The following CNTN3 variants were observed in gnomAD, a reference collection of about 807,000 sequenced individuals.
The protein encoded by CNTN3 is contactin-3.
In CNTN3, 60 loss-of-function variants were observed where a neutral mutation model predicts 119.1. The ratio of observed to expected loss-of-function variants is 0.50; its 90% CI spans 0.41 to 0.62. CNTN3 has a LOEUF of 0.62. CNTN3 is among the 20% of genes least tolerant of loss of function. The pLI is 0.00. For missense variants in CNTN3, 1,101 were observed against 1,242.4 expected, an observed-to-expected ratio of 0.89 and a Z score of 1.71; for synonymous variants, 450 against 438.7, an observed-to-expected ratio of 1.03 and a Z score of -0.32.
intron 5 of CNTN3, among the ~76,000 whole-genome samples, chr3:74,381,148 G>T (rs1446657772): frequency 6.9e-6 from 1 of 145,236 alleles, no homozygotes; most frequent in African/African-American, 2.6e-5. Flanking sequence ...TCCATTAGTA[G>T]CACATCAAAC....
At chr3:74,291,595 G>A (rs995392067) in intron 19 of CNTN3, among the ~76,000 whole-genome samples, 1 of 152,094 alleles carries the variant, frequency 6.6e-6, no homozygotes, top group Admixed American at 6.5e-5. Flanking sequence ...TAGCCAGGAT[G>A]GTCTCGATCT....
intron 11 of CNTN3, among the ~76,000 whole-genome samples, chr3:74,339,705 C>T (rs1211226719): frequency 6.6e-6 from 1 of 152,086 alleles, no homozygotes; most frequent in Non-Finnish European, 1.5e-5. Context: ...ACAGAGTAGA[C>T]ATTCAAAAAT....
Position 74,375,142 on chromosome 3 carries a change from C to T in CNTN3, c.455-3743G>A, listed in dbSNP as rs542971377. Among the ~76,000 whole-genome samples, 11 of 152,212 alleles carry T rather than the reference C, an allele frequency of 7.2e-5. No homozygotes were observed. The East Asian group carries it at 7.7e-4, about 11-fold the overall frequency. ...GAATAATCCAATGATCTTCCTCTAC[C>T]GATTCTCCCAAACACAACCCCAGAA... On this transcript the variant is annotated intron_variant, in intron 5 of 22. Transcript: ENST00000263665.
intron 4 of CNTN3, among the ~76,000 whole-genome samples, chr3:74,455,304 A>G (rs1453051983): frequency 4.6e-5 from 7 of 151,880 alleles, no homozygotes; most frequent in Non-Finnish European, 7.4e-5. Context: ...TCGGCTCCTG[A>G]GGCTTCTGAA....
intron 5 of CNTN3, among the ~76,000 whole-genome samples, chr3:74,373,188 T>C (rs1704385039): frequency 6.6e-6 from 1 of 152,224 alleles, no homozygotes; most frequent in Non-Finnish European, 1.5e-5. Context: ...TTCTCAGGCC[T>C]ATCCTGATGA....
intron 4 of CNTN3, among the ~76,000 whole-genome samples, chr3:74,454,200 T>C (rs1367373221): frequency 7.7e-6 from 1 of 130,546 alleles, no homozygotes; most frequent in Non-Finnish European, 1.6e-5. Flanking sequence ...TGCTCCTGTA[T>C]TGGGTGCATA....
chr3:74,500,767 G>A (rs1466573013), intron 2 of CNTN3, among the ~76,000 whole-genome samples: 1 of 152,006 alleles, frequency 6.6e-6, no homozygotes, highest in Non-Finnish European at 1.5e-5. Flanking sequence ...GTAACAATAT[G>A]ATTAAAATAA....
intron 4 of CNTN3, among the ~76,000 whole-genome samples, chr3:74,450,816 T>G (rs548425499): frequency 6.6e-6 from 1 of 151,936 alleles, no homozygotes; most frequent in Non-Finnish European, 1.5e-5. Flanking sequence ...CCCAATTTCA[T>G]CCATGTCCCT....
chr3:74,405,374 T>C (rs1398984249), intron 5 of CNTN3, among the ~76,000 whole-genome samples: 1 of 151,980 alleles, frequency 6.6e-6, no homozygotes, highest in East Asian at 1.9e-4. Flanking sequence ...TTTTGATTCA[T>C]CATTTTGTGT....
rs762853432 is a variant in CNTN3, at chr3:74,302,825, A to C, written c.1669-18T>G. ...GATGAACTCTGTTGGGAAAACAGGT[A>C]ATGAATACACTGTTATTTTTTTAAA... is the stretch of plus-strand genomic sequence containing the variant. On this transcript the variant is annotated intron_variant, in intron 13 of 22. Transcript: ENST00000263665. 6.8e-7 allele frequency: 1 copy of C among 1,466,028 alleles called. No homozygotes were observed. Among genetic ancestry groups the C allele is most frequent in the Non-Finnish European group, 9.5e-7 (1 of 1,047,318 alleles). The allele number at this position is 1,466,028 out of a possible 1,614,324, so 90.8% of individuals were successfully genotyped here.
chr3:74,600,333 C>T (rs924315292), intron 1 of CNTN3, among the ~76,000 whole-genome samples: 6 of 152,056 alleles, frequency 3.9e-5, no homozygotes, highest in Non-Finnish European at 8.8e-5. Context: ...GAAAAGTTCA[C>T]TCACAATCAC....
At chr3:74,546,145 G>A (rs536122872) in intron 1 of CNTN3, among the ~76,000 whole-genome samples, 3 of 151,954 alleles carry the variant, frequency 2.0e-5, no homozygotes, top group Admixed American at 6.6e-5. Flanking sequence ...ACAGGCGCCC[G>A]CCAGTATGCC....
chr3:74,451,671 C>T (rs1702158657), intron 4 of CNTN3, among the ~76,000 whole-genome samples: 1 of 151,712 alleles, frequency 6.6e-6, no homozygotes, highest in Admixed American at 6.6e-5. Context: ...GTCTTTAATC[C>T]ATCTTGAATT....
At chr3:74,586,412 C>A (rs907322258) in intron 1 of CNTN3, among the ~76,000 whole-genome samples, 1 of 152,056 alleles carries the variant, frequency 6.6e-6, no homozygotes, top group Admixed American at 6.6e-5. Context: ...AGAATTAATA[C>A]GCCTTCTCTG....
chr3:74,469,270 A>G (rs574775963), intron 4 of CNTN3, among the ~76,000 whole-genome samples: 2 of 152,168 alleles, frequency 1.3e-5, no homozygotes, highest in Non-Finnish European at 2.9e-5. Flanking sequence ...CGTCCACGCT[A>G]AGCCACTGAT....
intron 1 of CNTN3, among the ~76,000 whole-genome samples, chr3:74,538,307 A>G (rs1703794363): frequency 6.6e-6 from 1 of 152,102 alleles, no homozygotes; most frequent in South Asian, 2.1e-4. Context: ...TGCAATAAGA[A>G]TGTTCTTTAT....
intron 11 of CNTN3, among the ~76,000 whole-genome samples, chr3:74,350,768 C>T (rs182871655): frequency 6.6e-6 from 1 of 152,064 alleles, no homozygotes; most frequent in East Asian, 1.9e-4. Flanking sequence ...ATGTTATTGG[C>T]AGCCACAAGG....
chr3:74,438,731 T>C (rs1460967769), intron 4 of CNTN3, among the ~76,000 whole-genome samples: 1 of 152,234 alleles, frequency 6.6e-6, no homozygotes, highest in Non-Finnish European at 1.5e-5. Flanking sequence ...GCATCTGTGT[T>C]TGGCTAAATA....
At chr3:74,471,117 C>T (rs762266877) in intron 4 of CNTN3, among the ~76,000 whole-genome samples, 2 of 151,996 alleles carry the variant, frequency 1.3e-5, no homozygotes, top group African/African-American at 2.4e-5. Context: ...CATTGTGATC[C>T]GCCAGCCTCA....
Sources: gnomAD v4.1 joint callset for allele counts (sites outside exome capture counted in the v4.1 genomes callset) on GRCh38, gnomAD v4.1.1 for gene constraint, MANE v1.5 for transcripts, NCBI Gene and HGNC (gene_info 2026-07-23, HGNC 2026-07-21) for gene names.